Variants in TIMP3 observed in about 807,000 individuals in gnomAD.
The protein encoded by TIMP3 is metalloproteinase inhibitor 3.
Under a neutral mutation model 30.0 loss-of-function variants are expected in TIMP3, and 11 were observed. The observed-to-expected ratio is 0.37, with a 90% CI of 0.23 to 0.61. The LOEUF (loss-of-function observed/expected upper bound fraction) is 0.61. Among genes scored for constraint, TIMP3 ranks in the 20% least tolerant of loss-of-function variants. The probability of loss-of-function intolerance (pLI) is 0.70; values close to 1 mark genes in which losing one functional copy is unlikely to be tolerated. For synonymous variants in TIMP3, 112 were observed against 111.3 expected (o/e 1.01, Z -0.04); for missense variants, 181 against 276.8 (o/e 0.65, Z 2.45).
intron 2 of TIMP3, 99 bp downstream of exon 2, chr22:32,849,633 G>T (rs1188911009): frequency 9.7e-7 from 1 of 1,033,462 alleles, no homozygotes; most frequent in Non-Finnish European, 1.5e-6. Context: ...TGGGGTGTGT[G>T]TCTAAGCACC....
chr22:32,848,310 A>G (rs1216476562), intron 1 of TIMP3, among the ~76,000 whole-genome samples: 2 of 152,154 alleles, frequency 1.3e-5, no homozygotes, highest in African/African-American at 4.8e-5. Context: ...TGTAGTGGGA[A>G]ATTTCATAAG....
chr22:32,858,202 C>T, intron 4 of TIMP3, 64 bp downstream of exon 4: 1 of 1,600,412 alleles, frequency 6.2e-7, no homozygotes, highest in South Asian at 1.1e-5. Flanking sequence ...GAAACATCAG[C>T]TCCCAATGCA....
chr22:32,830,823 G>A (rs978573933), intron 1 of TIMP3, among the ~76,000 whole-genome samples: 2 of 152,144 alleles, frequency 1.3e-5, no homozygotes, highest in African/African-American at 4.8e-5. Flanking sequence ...AGTGGATTCC[G>A]CAAGGTGTTT....
At chr22:32,833,845 C>T (rs1293077960) in intron 1 of TIMP3, 1 of 501,324 alleles carries the variant, frequency 2.0e-6, no homozygotes, top group Non-Finnish European at 4.0e-6. Context: ...GCATTTAGCA[C>T]TGATCATGCA....
chr22:32,809,659 T>G (rs556007702), intron 1 of TIMP3, among the ~76,000 whole-genome samples: 62 of 152,372 alleles, frequency 4.1e-4, no homozygotes, highest in African/African-American at 1.3e-3. Flanking sequence ...CTAGAACTGC[T>G]GATACTAGCC....
intron 1 of TIMP3, among the ~76,000 whole-genome samples, chr22:32,835,749 A>G (rs2047711925): frequency 6.6e-6 from 1 of 152,086 alleles, no homozygotes; most frequent in Admixed American, 6.5e-5. Flanking sequence ...CAGTTACTGG[A>G]CTTCTCTCTT....
chr22:32,822,253 G>A lies in TIMP3; in HGVS notation c.121+20131G>A, dbSNP rs551963029. Among the ~76,000 whole-genome samples the A allele has an allele frequency of 2.6e-5, 4 of 151,556 alleles. No homozygotes were observed. The South Asian group carries it at 6.3e-4, about 24-fold the overall frequency. On this transcript the variant is annotated intron_variant, in intron 1 of 4. Transcript: ENST00000266085. ...GGCTCCTGTGCCCAAAGTCTTCCTC[G>A]CTGTCTCTGGGTATGTTCACAGGGT...
intron 1 of TIMP3, among the ~76,000 whole-genome samples, chr22:32,827,605 C>T (rs1480112061): frequency 8.1e-5 from 1 of 12,340 alleles, no homozygotes; most frequent in Non-Finnish European, 1.5e-4. Context: ...CTTGCTTTTA[C>T]AAGCCACTCC....
intron 3 of TIMP3, 30 bp downstream of exon 3, chr22:32,857,390 G>A (rs541268668): frequency 4.9e-5 from 76 of 1,564,734 alleles, no homozygotes; most frequent in Non-Finnish European, 5.9e-5. Flanking sequence ...TCTAGGCCAG[G>A]GTTTGGCCAA....
Position 32,830,661 on chromosome 22 carries a change from C to G in TIMP3, c.122-18791C>G, listed in dbSNP as rs543515630. ...AACACCAGAGGGATCCACAGGGCCACCCCCCCGCCCCCGCAATACCACTGT... is the reference window on the plus strand; with the variant it reads ...AACACCAGAGGGATCCACAGGGCCAGCCCCCCGCCCCCGCAATACCACTGT... On this transcript the variant is annotated intron_variant, in intron 1 of 4. Transcript: ENST00000266085. 2.1e-3 allele frequency among the ~76,000 whole-genome samples: 317 copies of G among 148,828 alleles called. 1 individual carries two copies. The highest frequency in any genetic ancestry group is 8.1e-3 in the African/African-American group (311 of 38,424).
intron 1 of TIMP3, among the ~76,000 whole-genome samples, chr22:32,842,963 C>A (rs1306824368): frequency 2.6e-5 from 4 of 152,182 alleles, no homozygotes; most frequent in Non-Finnish European, 5.9e-5. Context: ...TATCAATCTT[C>A]TTCTCTGATC....
At chr22:32,838,832 C>T (rs1221459090) in intron 1 of TIMP3, among the ~76,000 whole-genome samples, 2 of 151,844 alleles carry the variant, frequency 1.3e-5, no homozygotes, top group African/African-American at 4.8e-5. Flanking sequence ...TTTTGGGAAC[C>T]CTGGCCACAA....
chr22:32,819,766 C>G (rs1468850028), intron 1 of TIMP3, among the ~76,000 whole-genome samples: 1 of 152,174 alleles, frequency 6.6e-6, no homozygotes, highest in Non-Finnish European at 1.5e-5. Flanking sequence ...GATTCTGAAA[C>G]AGCAAACTTG....
chr22:32,853,630 C>T (rs147569920), intron 2 of TIMP3, among the ~76,000 whole-genome samples: 1 of 152,270 alleles, frequency 6.6e-6, no homozygotes, highest in Non-Finnish European at 1.5e-5. Context: ...AAAGAACAAC[C>T]CACTTATGTC....
chr22:32,821,649 G>A (rs1002375239), intron 1 of TIMP3, among the ~76,000 whole-genome samples: 1 of 152,206 alleles, frequency 6.6e-6, no homozygotes, highest in Non-Finnish European at 1.5e-5. Context: ...CCAGAGAAGC[G>A]AAGCCCTTTC....
intron 1 of TIMP3, among the ~76,000 whole-genome samples, chr22:32,807,347 A>ATT (rs1491577264): frequency 2.9e-5 from 1 of 34,090 alleles, no homozygotes; most frequent in African/African-American, 7.2e-5. Flanking sequence ...TATAATATAT[A>ATT]AATATATAAT....
intron 1 of TIMP3, among the ~76,000 whole-genome samples, chr22:32,849,128 G>T (rs776828714): frequency 3.3e-5 from 5 of 152,232 alleles, no homozygotes; most frequent in Non-Finnish European, 7.3e-5. Context: ...AACAGGAGAA[G>T]TAGGTTTTGG....
rs571914317 is a variant in TIMP3, at chr22:32,849,806, A to G, written c.204+272A>G. On this transcript the variant is annotated intron_variant, in intron 2 of 4. Transcript: ENST00000266085. ...TGAGCTCTGGAGCCAGATGGCAGAT[A>G]GCCTTGTTAGCTCGTAACCATGAGA... Among the ~76,000 whole-genome samples, 10 of 152,282 alleles carry G rather than the reference A, an allele frequency of 6.6e-5. No homozygotes were observed. The East Asian group carries it at 1.9e-3, about 30-fold the overall frequency.
rs112799840 is a variant in TIMP3 at position 32,806,987 on chromosome 22, A to G, written c.121+4865A>G. 8.8e-3 allele frequency among the ~76,000 whole-genome samples: 1,332 copies of G among 151,970 alleles called. 8 individuals are homozygous for G. Among genetic ancestry groups the G allele is most frequent in the Middle Eastern group, 0.027 (8 of 294 alleles). On this transcript the variant is annotated intron_variant, in intron 1 of 4. Coordinates refer to ENST00000266085, the MANE Select transcript of TIMP3 (RefSeq NM_000362.5). ...ACATCATGGAATACCACATAATACC[A>G]CATATAGTATTCTGCTTGTTTCCCA...
Sources: gnomAD v4.1 joint callset for allele counts (sites outside exome capture counted in the v4.1 genomes callset) on GRCh38, gnomAD v4.1.1 for gene constraint, MANE v1.5 for transcripts, NCBI Gene and HGNC (gene_info 2026-07-23, HGNC 2026-07-21) for gene names.